The following NTF3 variants were observed in gnomAD, a reference collection of about 807,000 sequenced individuals.
NTF3 encodes the protein neurotrophin-3.
In NTF3, 8 loss-of-function variants were observed where a neutral mutation model predicts 26.3. The observed-to-expected ratio is 0.30, with a 90% CI of 0.18 to 0.55. NTF3 has a LOEUF of 0.55. Ranked by LOEUF, NTF3 falls within the 20% of genes least tolerant of loss-of-function variation. The probability of loss-of-function intolerance (pLI) is 0.93; values close to 1 mark genes in which losing one functional copy is unlikely to be tolerated. For missense variants in NTF3, 276 were observed against 352.9 expected, an observed-to-expected ratio of 0.78 and a Z score of 1.75; for synonymous variants, 154 against 145.5, an observed-to-expected ratio of 1.06 and a Z score of -0.42.
chr12:5,441,787 T>C (rs1398085403), intron 1 of NTF3, among the ~76,000 whole-genome samples: 1 of 152,200 alleles, frequency 6.6e-6, no homozygotes, highest in African/African-American at 2.4e-5. Flanking sequence ...TTCAAAACAG[T>C]GTTACCTTTA....
intron 1 of NTF3, among the ~76,000 whole-genome samples, chr12:5,449,736 C>T (rs148937940): frequency 6.6e-6 from 1 of 152,230 alleles, no homozygotes; most frequent in South Asian, 2.1e-4. Flanking sequence ...GGTCCTCCAA[C>T]AGTAAGCTAC....
At chr12:5,490,745 A>G (rs1940925862) in intron 1 of NTF3, among the ~76,000 whole-genome samples, 1 of 152,178 alleles carries the variant, frequency 6.6e-6, no homozygotes, top group South Asian at 2.1e-4. Context: ...CGAGTTCATA[A>G]TATTCCTATC....
At chr12:5,469,513 G>A (rs1048320445) in intron 1 of NTF3, among the ~76,000 whole-genome samples, 2 of 152,142 alleles carry the variant, frequency 1.3e-5, no homozygotes, top group Admixed American at 6.5e-5. Context: ...AGGGCACTGT[G>A]ATTGTCACAG....
chr12:5,438,187 A>C (rs1347704243), intron 1 of NTF3, among the ~76,000 whole-genome samples: 1 of 151,922 alleles, frequency 6.6e-6, no homozygotes, highest in Non-Finnish European at 1.5e-5. Context: ...CAGAGGACTC[A>C]TTTTAGAACC....
intron 1 of NTF3, among the ~76,000 whole-genome samples, chr12:5,439,459 T>G (rs1423999399): frequency 6.6e-6 from 1 of 152,236 alleles, no homozygotes; most frequent in Non-Finnish European, 1.5e-5. Context: ...CATCTTCTTC[T>G]GCAAAGTTGG....
chr12:5,455,227 G>T (rs998713222), intron 1 of NTF3, among the ~76,000 whole-genome samples: 1 of 152,170 alleles, frequency 6.6e-6, no homozygotes, highest in African/African-American at 2.4e-5. Context: ...TCCCCTCCCA[G>T]CTCCTGTCTC....
At chr12:5,439,543 C>G (rs1591590905) in intron 1 of NTF3, among the ~76,000 whole-genome samples, 1 of 152,228 alleles carries the variant, frequency 6.6e-6, no homozygotes, top group African/African-American at 2.4e-5. Context: ...TTTAGGTTTT[C>G]TAGCCACCTG....
At chr12:5,471,070 A>G (rs1170539090) in intron 1 of NTF3, among the ~76,000 whole-genome samples, 1 of 152,064 alleles carries the variant, frequency 6.6e-6, no homozygotes, top group Admixed American at 6.6e-5. Context: ...AGATCTTACA[A>G]TAAACATTTG....
At chr12:5,451,386 G>A (rs1940371028) in intron 1 of NTF3, among the ~76,000 whole-genome samples, 1 of 152,224 alleles carries the variant, frequency 6.6e-6, no homozygotes, top group Admixed American at 6.5e-5. Flanking sequence ...AGAACTGACT[G>A]AGGCTGCCAG....
intron 1 of NTF3, among the ~76,000 whole-genome samples, chr12:5,482,699 T>G (rs1002725232): frequency 6.6e-6 from 1 of 151,514 alleles, no homozygotes; most frequent in Non-Finnish European, 1.5e-5. Flanking sequence ...CCACTGTGTC[T>G]CTCTCCTCCT....
At chr12:5,446,896 G>A (rs1309465724) in intron 1 of NTF3, among the ~76,000 whole-genome samples, 1 of 152,186 alleles carries the variant, frequency 6.6e-6, no homozygotes, top group Non-Finnish European at 1.5e-5. Flanking sequence ...GAGCCACGCC[G>A]ACCTGATGCG....
At chr12:5,493,302 A>C (rs1293000010) in intron 1 of NTF3, among the ~76,000 whole-genome samples, 1 of 152,246 alleles carries the variant, frequency 6.6e-6, no homozygotes, top group East Asian at 1.9e-4. Context: ...TTCAACAAGG[A>C]AATAGTAGAA....
At chr12:5,443,960 T>G (rs958769700) in intron 1 of NTF3, among the ~76,000 whole-genome samples, 5 of 152,196 alleles carry the variant, frequency 3.3e-5, no homozygotes, top group Non-Finnish European at 7.4e-5. Flanking sequence ...GGAAATCAAG[T>G]TGAATTTGGA....
In NTF3 at chr12:5,455,208, C is replaced by G. The variant is rs1013981993; in HGVS notation, c.18+22866C>G. Among the ~76,000 whole-genome samples, 11 of 152,330 alleles carry G rather than the reference C, an allele frequency of 7.2e-5. No individual in the cohort carries two copies. In the South Asian group the frequency reaches 1.2e-3, roughly 17 times the overall value. ...TGCCTGCCTGCGCTCTTGAAACAGC[C>G]TCCACTGCTCCCCTCCCAGCTCCTG... is the stretch of plus-strand genomic sequence containing the variant. On this transcript the variant is annotated intron_variant, in intron 1 of 1. Transcript: ENST00000423158.
chr12:5,433,762 C>T lies in NTF3; in HGVS notation c.18+1420C>T, dbSNP rs1195428036. 6.6e-6 allele frequency among the ~76,000 whole-genome samples: 1 copy of T among 151,846 alleles called. No individual in the cohort carries two copies. Among genetic ancestry groups the T allele is most frequent in the Non-Finnish European group, 1.5e-5 (1 of 67,962 alleles). On this transcript the variant is annotated intron_variant, in intron 1 of 1. Coordinates refer to ENST00000423158, the MANE Select transcript of NTF3 (RefSeq NM_001102654.2). The surrounding 1 kb of genome is among the most constrained non-coding windows in gnomAD (Gnocchi z 4.6). ...GTTCTGAGTCCGAATGGAGGTTGCT[C>T]CCGGGAGCGCCGGGCTCAGAGCTAG...
chr12:5,481,863 A>ATACC (rs1491574133), intron 1 of NTF3, among the ~76,000 whole-genome samples: 1 of 150,652 alleles, frequency 6.6e-6, no homozygotes, highest in African/African-American at 2.4e-5. Flanking sequence ...ACACAAAAAC[A>ATACC]TACACAGACA....
At chr12:5,439,808 A>G (rs1326179502) in intron 1 of NTF3, among the ~76,000 whole-genome samples, 1 of 152,216 alleles carries the variant, frequency 6.6e-6, no homozygotes, top group Non-Finnish European at 1.5e-5. Flanking sequence ...AATGGAGAGC[A>G]TGAGGTATCT....
chr12:5,488,115 T>C (rs1940889770), intron 1 of NTF3, among the ~76,000 whole-genome samples: 2 of 152,252 alleles, frequency 1.3e-5, no homozygotes, highest in South Asian at 2.1e-4. Context: ...GCTTTATTCA[T>C]GTGAGCTCAT....
At chr12:5,435,139 T>C (rs901923427) in intron 1 of NTF3, among the ~76,000 whole-genome samples, 1 of 152,172 alleles carries the variant, frequency 6.6e-6, no homozygotes, top group Non-Finnish European at 1.5e-5. Flanking sequence ...TGCATAAGAC[T>C]GAAGTAAGTA....
Sources: allele counts gnomAD v4.1 joint callset (sites outside exome capture counted in the v4.1 genomes callset), GRCh38; gene constraint gnomAD v4.1.1; non-coding constraint Gnocchi (gnomAD v3.1); transcripts MANE v1.5; gene names NCBI Gene and HGNC (gene_info 2026-07-23, HGNC 2026-07-21).